Variants in BLNK observed in about 807,000 individuals in gnomAD.
The protein encoded by BLNK is B-cell linker protein.
A neutral mutation model predicts 73.5 loss-of-function variants in BLNK; 29 were observed. That is an observed-to-expected ratio of 0.39 (90% confidence interval 0.29 to 0.54). The LOEUF is 0.54. BLNK is among the 20% of genes least tolerant of loss of function. The pLI is 0.61. For missense variants in BLNK, 460 were observed against 562.8 expected, an observed-to-expected ratio of 0.82 and a Z score of 1.85; for synonymous variants, 176 against 200.8, an observed-to-expected ratio of 0.88 and a Z score of 1.04.
intron 3 of BLNK, among the ~76,000 whole-genome samples, chr10:96,240,366 C>G (rs1823735950): frequency 6.6e-6 from 1 of 152,182 alleles, no homozygotes; most frequent in Non-Finnish European, 1.5e-5. Flanking sequence ...GATGGCCTAA[C>G]TTCTTAATTC....
At chr10:96,244,368 A>G in intron 2 of BLNK, among the ~76,000 whole-genome samples, 1 of 152,192 alleles carries the variant, frequency 6.6e-6, no homozygotes, top group East Asian at 1.9e-4. Context: ...AAGGAAGGGT[A>G]TTTTACTACC....
Position 96,191,875 on chromosome 10 carries a change from A to G in BLNK, c.*98T>C. ...CCATCTTCCATTTTATTACTGGATG[A>G]TTCATAATCCAAAATATGAAGTTTT... On this transcript the variant is annotated 3_prime_UTR_variant, in exon 17 of 17. Transcript: ENST00000224337. 3 of 1,501,094 alleles carry G rather than the reference A, an allele frequency of 2.0e-6. No homozygotes were observed. The highest frequency in any genetic ancestry group is 2.8e-6 in the Non-Finnish European group (3 of 1,082,692). 93.0% of individuals were successfully genotyped at this position (1,501,094 alleles called of 1,614,324 possible). A position where few individuals can be genotyped will look rare whatever the true frequency, so the allele number is the denominator to read the frequency against.
intron 3 of BLNK, among the ~76,000 whole-genome samples, chr10:96,240,537 G>A (rs1198502499): frequency 2.6e-5 from 4 of 152,170 alleles, no homozygotes; most frequent in Admixed American, 6.5e-5. Context: ...TGGGATAACA[G>A]GTGTGAGCCC....
At chr10:96,208,183 G>A (rs140727811) in intron 9 of BLNK, among the ~76,000 whole-genome samples, 217 of 152,202 alleles carry the variant, frequency 1.4e-3, no homozygotes, top group African/African-American at 4.8e-3. Context: ...ATTACTTGGC[G>A]GGTGACCTTG....
chr10:96,206,156 C>T (rs2083801025), intron 11 of BLNK, among the ~76,000 whole-genome samples: 1 of 152,156 alleles, frequency 6.6e-6, no homozygotes, highest in South Asian at 2.1e-4. Flanking sequence ...AAAAGATCCA[C>T]TGTCCATCAT....
rs1220647158 is a variant in BLNK, at chr10:96,200,805, T to C, written c.1011+177A>G. Among the ~76,000 whole-genome samples the C allele has an allele frequency of 6.6e-6, 1 of 152,188 alleles. No individual in the cohort carries two copies. Among genetic ancestry groups the C allele is most frequent in the Non-Finnish European group, 1.5e-5 (1 of 68,028 alleles). ...ATTAACTGGAGCAATGTCTTAGTCA[T>C]TGAAAAAAAACAACAACTGGGTATT... On this transcript the variant is annotated intron_variant, in intron 14 of 16. Transcript: ENST00000224337. The surrounding 1 kb of genome is among the most constrained non-coding windows in gnomAD (Gnocchi z 4.3).
intron 1 of BLNK, among the ~76,000 whole-genome samples, chr10:96,248,341 T>G (rs1374926942): frequency 2.0e-5 from 3 of 152,102 alleles, no homozygotes; most frequent in African/African-American, 7.2e-5. Context: ...GCAAAAGATA[T>G]GAACACACAG....
intron 6 of BLNK, among the ~76,000 whole-genome samples, chr10:96,222,311 G>A (rs1757962335): frequency 6.6e-6 from 1 of 152,150 alleles, no homozygotes; most frequent in African/African-American, 2.4e-5. Flanking sequence ...ATTTTATAAA[G>A]GCGGAATGAA....
intron 8 of BLNK, among the ~76,000 whole-genome samples, chr10:96,210,863 GTTTTTTTT>G (rs377260098): frequency 8.2e-6 from 1 of 121,950 alleles, no homozygotes; most frequent in African/African-American, 3.3e-5. Flanking sequence ...CCACAATTCC[GTTTTTTTT>G]TTTTTTTTTT....
chr10:96,248,992 T>G (rs1843165811), intron 1 of BLNK, among the ~76,000 whole-genome samples: 1 of 152,258 alleles, frequency 6.6e-6, no homozygotes, highest in South Asian at 2.1e-4. Flanking sequence ...TATGTTTTCC[T>G]CATAATAATT....
chr10:96,270,278 T>C (rs1216044172), intron 1 of BLNK, among the ~76,000 whole-genome samples: 3 of 152,254 alleles, frequency 2.0e-5, no homozygotes, highest in African/African-American at 7.2e-5. Context: ...GTTGTCCCTC[T>C]GCCAATCCAG....
Position 96,200,054 on chromosome 10 carries a change from AAAT to A in BLNK, c.1095+18_1095+20del, listed in dbSNP as rs782390002. 10 of 1,411,898 alleles carry A rather than the reference AAAT, an allele frequency of 7.1e-6. No individual in the cohort carries two copies. In the South Asian group the frequency reaches 1.5e-4, roughly 21 times the overall value. The allele number at this position is 1,411,898 out of a possible 1,614,324, so 87.5% of individuals were successfully genotyped here. A position where few individuals can be genotyped will look rare whatever the true frequency, so the allele number is the denominator to read the frequency against. ...TAAAATAAAATAAAATAAAAATAAT[AAAT>A]AATAAAAATGATCAGACCTTGTTTG... On this transcript the variant is annotated intron_variant, in intron 15 of 16. Coordinates refer to ENST00000224337, the MANE Select transcript of BLNK (RefSeq NM_013314.4). The surrounding 1 kb of genome is among the most constrained non-coding windows in gnomAD (Gnocchi z 4.3).
chr10:96,199,587 G>C (rs2133943976), intron 15 of BLNK: 1 of 455,484 alleles, frequency 2.2e-6, no homozygotes. Flanking sequence ...TGAAAGAGAG[G>C]AGGGGATAGC....
chr10:96,228,025 A>G (rs1842342701), intron 4 of BLNK, among the ~76,000 whole-genome samples: 2 of 152,040 alleles, frequency 1.3e-5, no homozygotes, highest in South Asian at 4.1e-4. Flanking sequence ...TTTTTTAAAA[A>G]TTTCAAGCAG....
chr10:96,256,975 T>C (rs1222483772), intron 1 of BLNK, among the ~76,000 whole-genome samples: 1 of 152,074 alleles, frequency 6.6e-6, no homozygotes, highest in South Asian at 2.1e-4. Context: ...CTGAATGTTC[T>C]TTAACCCTTT....
At position 96,216,668 on chromosome 10, in the gene BLNK, G is replaced by T; in HGVS notation, c.592C>A (p.Pro198Thr). 1 of 1,614,040 alleles carries T rather than the reference G, an allele frequency of 6.2e-7. No individual in the cohort carries two copies. Among genetic ancestry groups the T allele is most frequent in the South Asian group, 1.1e-5 (1 of 91,076 alleles). ...NYIHPTESSSPPPEKAPMVNR... is the reference protein window; with the variant it reads ...NYIHPTESSSTPPEKAPMVNR... ...AAACTCTTACCTTTTTCAGGTGGAG[G>T]TGAACTGCTTTCTGTGGGATGAATA... is the stretch of plus-strand genomic sequence containing the variant. The change falls in exon 7 of 17, where the codon CCT becomes ACT. Residue 198 changes from proline to threonine, a missense_variant. Around this residue, in one of 3 missense-constraint regions of BLNK, gnomAD observed 233 missense variants for 232.1 expected, o/e 1.00. Transcript: ENST00000224337.
chr10:96,250,153 A>C (rs576335740), intron 1 of BLNK, among the ~76,000 whole-genome samples: 1 of 152,284 alleles, frequency 6.6e-6, no homozygotes, highest in South Asian at 2.1e-4. Context: ...AGAGCTCAGG[A>C]AAGAGCCAGG....
chr10:96,232,194 G>A (rs999081920), intron 3 of BLNK, among the ~76,000 whole-genome samples: 2 of 152,156 alleles, frequency 1.3e-5, no homozygotes, highest in African/African-American at 4.8e-5. Context: ...CACCACAGAG[G>A]GTCCCAGCTC....
chr10:96,198,444 G>A (rs2083532443), intron 15 of BLNK, among the ~76,000 whole-genome samples: 1 of 152,098 alleles, frequency 6.6e-6, no homozygotes, highest in Non-Finnish European at 1.5e-5. Flanking sequence ...AATTGATTTG[G>A]AATTATCAAC....
Sources: allele counts gnomAD v4.1 joint callset (sites outside exome capture counted in the v4.1 genomes callset), GRCh38; gene constraint gnomAD v4.1.1; regional missense constraint gnomAD v4.1.1; non-coding constraint Gnocchi (gnomAD v3.1); transcripts MANE v1.5; gene names NCBI Gene and HGNC (gene_info 2026-07-23, HGNC 2026-07-21).